Variants in KCNIP4 observed in about 807,000 individuals in gnomAD.
The protein encoded by KCNIP4 is Kv channel-interacting protein 4.
A neutral mutation model predicts 34.0 loss-of-function variants in KCNIP4; 12 were observed. The observed-to-expected ratio is 0.35, with a 90% confidence interval of 0.23 to 0.57. KCNIP4 has a LOEUF of 0.57. Among genes scored for constraint, KCNIP4 ranks in the 20% least tolerant of loss-of-function variants. KCNIP4 has a pLI of 0.83. For missense variants in KCNIP4, 238 were observed against 311.7 expected, an observed-to-expected ratio of 0.76 and a Z score of 1.78; for synonymous variants, 124 against 102.2, an observed-to-expected ratio of 1.21 and a Z score of -1.29.
chr4:20,749,761 A>T (rs1229516609), intron 4 of KCNIP4, 29 bp from the exon 5 acceptor site: 1 of 1,493,670 alleles, frequency 6.7e-7, no homozygotes, highest in Non-Finnish European at 9.3e-7. Flanking sequence ...AGTATCATTA[A>T]GTCAGTGTTT....
intron 3 of KCNIP4, among the ~76,000 whole-genome samples, chr4:20,763,566 T>C (rs1755125196): frequency 6.6e-6 from 1 of 152,156 alleles, no homozygotes; most frequent in Admixed American, 6.5e-5. Context: ...ACTTAATGTG[T>C]CTACCCCAAA....
chr4:21,756,813 T>C (rs1461312799), intron 1 of KCNIP4, among the ~76,000 whole-genome samples: 1 of 151,742 alleles, frequency 6.6e-6, no homozygotes, highest in Non-Finnish European at 1.5e-5. Context: ...TTAGAGAAAA[T>C]AGGCCAGGCG....
At chr4:21,388,517 A>T (rs1722248412) in intron 1 of KCNIP4, among the ~76,000 whole-genome samples, 1 of 152,120 alleles carries the variant, frequency 6.6e-6, no homozygotes. Flanking sequence ...TATAATCAAC[A>T]TATCATATAA....
rs1021777940 is a variant in KCNIP4, at chr4:21,263,964, T to C, written c.62-381255A>G. 6.6e-5 allele frequency among the ~76,000 whole-genome samples: 10 copies of C among 151,956 alleles called. No homozygotes were observed. In the South Asian group the frequency reaches 1.0e-3, roughly 16 times the overall value. On this transcript the variant is annotated intron_variant, in intron 1 of 8. Coordinates refer to ENST00000382152, the MANE Select transcript of KCNIP4 (RefSeq NM_025221.6). ...GCCACCATGCCCAGCCCAATATATA[T>C]ATACGTGTGTGTGTGTGTGTGTGTG... is the stretch of plus-strand genomic sequence containing the variant.
At chr4:21,693,558 G>A (rs372942683) in intron 1 of KCNIP4, among the ~76,000 whole-genome samples, 4 of 152,024 alleles carry the variant, frequency 2.6e-5, no homozygotes, top group South Asian at 2.1e-4. Flanking sequence ...GCAAGACTCC[G>A]TCTCAAAAAT....
chr4:21,093,763 G>C (rs771533301), intron 1 of KCNIP4, among the ~76,000 whole-genome samples: 4 of 152,016 alleles, frequency 2.6e-5, no homozygotes, highest in Admixed American at 6.6e-5. Flanking sequence ...TGAGAATAGG[G>C]TATAATGGAT....
intron 1 of KCNIP4, among the ~76,000 whole-genome samples, chr4:21,801,623 T>A (rs148466119): frequency 0.38 from 57,711 of 151,540 alleles, 12,491 homozygotes; most frequent in Non-Finnish European, 0.51. Flanking sequence ...TATTATTATT[T>A]TTTGAGATGG....
intron 3 of KCNIP4, among the ~76,000 whole-genome samples, chr4:20,776,974 G>A (rs1578592711): frequency 6.6e-6 from 1 of 152,136 alleles, no homozygotes; most frequent in East Asian, 1.9e-4. Flanking sequence ...GCTATAGACT[G>A]AAAGTGTGTG....
chr4:21,040,707 C>T lies in KCNIP4; in HGVS notation c.62-157998G>A, dbSNP rs554212034. Among the ~76,000 whole-genome samples the T allele has an allele frequency of 3.3e-5, 5 of 152,090 alleles. No homozygotes were observed. In the South Asian group the frequency reaches 8.3e-4, roughly 25 times the overall value. On this transcript the variant is annotated intron_variant, in intron 1 of 8. Coordinates refer to ENST00000382152, the MANE Select transcript of KCNIP4 (RefSeq NM_025221.6). ...CTATATGATCTGTACTTTAACTCAG[C>T]CTTGACTAAATCACAAGTTTCAAGT...
intron 1 of KCNIP4, among the ~76,000 whole-genome samples, chr4:21,107,698 C>T (rs28855150): frequency 0.28 from 42,474 of 150,994 alleles, 6,816 homozygotes; most frequent in African/African-American, 0.41. Flanking sequence ...CTAGCCTCGA[C>T]GGTCTTTACA....
chr4:20,808,887 C>T (rs1715399486), intron 3 of KCNIP4, among the ~76,000 whole-genome samples: 1 of 152,210 alleles, frequency 6.6e-6, no homozygotes, highest in Non-Finnish European at 1.5e-5. Flanking sequence ...CTCTATTCAG[C>T]TTAGATATTT....
At chr4:21,877,494 C>G (rs929938880) in intron 1 of KCNIP4, among the ~76,000 whole-genome samples, 5 of 152,100 alleles carry the variant, frequency 3.3e-5, no homozygotes, top group African/African-American at 1.2e-4. Flanking sequence ...GTAAGTATTA[C>G]TCAACAGGAC....
At chr4:21,018,005 T>G (rs1270928853) in intron 1 of KCNIP4, among the ~76,000 whole-genome samples, 2 of 152,208 alleles carry the variant, frequency 1.3e-5, no homozygotes, top group Non-Finnish European at 2.9e-5. Context: ...AATAATTAAC[T>G]AGTACAATAA....
At chr4:20,753,219 C>G (rs1346597169) in intron 4 of KCNIP4, among the ~76,000 whole-genome samples, 2 of 152,084 alleles carry the variant, frequency 1.3e-5, no homozygotes, top group Non-Finnish European at 2.9e-5. Context: ...ATACTGAGGT[C>G]ACCTAGTTAG....
chr4:21,804,923 ATTTATAATG>A (rs1393580638), intron 1 of KCNIP4, among the ~76,000 whole-genome samples: 4 of 152,212 alleles, frequency 2.6e-5, no homozygotes, highest in African/African-American at 9.6e-5. Context: ...CTAAGAACAA[ATTTATAATG>A]TTTACCTGAC....
intron 1 of KCNIP4, among the ~76,000 whole-genome samples, chr4:21,322,970 A>C (rs929690597): frequency 2.0e-5 from 3 of 151,988 alleles, no homozygotes; most frequent in Non-Finnish European, 2.9e-5. Flanking sequence ...TATGTGCATA[A>C]TTGATAATTG....
At chr4:20,820,799 T>G (rs1717007266) in intron 3 of KCNIP4, among the ~76,000 whole-genome samples, 1 of 152,186 alleles carries the variant, frequency 6.6e-6, no homozygotes, top group South Asian at 2.1e-4. Context: ...CAACTCAATT[T>G]CTGCTCCACC....
At chr4:20,981,845 CTA>C (rs1159331272) in intron 1 of KCNIP4, among the ~76,000 whole-genome samples, 3 of 152,062 alleles carry the variant, frequency 2.0e-5, no homozygotes, top group Admixed American at 6.6e-5. Flanking sequence ...ATGTACATCT[CTA>C]TGTGTATGTT....
intron 1 of KCNIP4, among the ~76,000 whole-genome samples, chr4:21,321,458 A>T (rs1012294868): frequency 1.3e-5 from 2 of 152,188 alleles, no homozygotes; most frequent in African/African-American, 4.8e-5. Flanking sequence ...TAGAGAAGAC[A>T]TCTAAGTGTT....
Sources: gnomAD v4.1 joint callset for allele counts (sites outside exome capture counted in the v4.1 genomes callset) on GRCh38, gnomAD v4.1.1 for gene constraint, MANE v1.5 for transcripts, NCBI Gene and HGNC (gene_info 2026-07-23, HGNC 2026-07-21) for gene names.